ZNF248: variants seen among roughly 807,000 people sequenced by gnomAD.
ZNF248 encodes KRAB protein domain.
ZNF248 carries 20 observed loss-of-function variants against 44.3 expected under a neutral mutation model. The observed-to-expected ratio is 0.45, with a 90% CI of 0.32 to 0.66. The LOEUF is 0.66. ZNF248 is among the 30% of genes least tolerant of loss of function. The pLI is 0.04. For missense variants in ZNF248, 654 were observed against 677.0 expected (o/e 0.97, Z 0.38); for synonymous variants, 224 against 229.0 (o/e 0.98, Z 0.20).
intron 6 of ZNF248, chr10:37,818,851 A>AGG (rs2052995492): frequency 1.0e-6 from 1 of 960,432 alleles, no homozygotes; most frequent in African/African-American, 1.6e-5. Context: ...ATTCTCTTGT[A>AGG]GGATGTCTTG....
At chr10:37,820,279 CAG>C in intron 6 of ZNF248, 1 of 1,383,202 alleles carries the variant, frequency 7.2e-7, no homozygotes, top group Non-Finnish European at 1.0e-6. Flanking sequence ...TCTGTGTTGC[CAG>C]ATCTCATAGA....
intron 6 of ZNF248, among the ~76,000 whole-genome samples, chr10:37,790,744 A>C (rs953069738): frequency 4.0e-5 from 6 of 148,452 alleles, no homozygotes; most frequent in Non-Finnish European, 3.0e-5. Flanking sequence ...AATTTTTTAA[A>C]AAAATAAAAA....
downstream of ZNF248, among the ~76,000 whole-genome samples, chr10:37,772,198 G>A (rs2046275594): frequency 6.6e-6 from 1 of 151,892 alleles, no homozygotes; most frequent in Non-Finnish European, 1.5e-5. Context: ...CCGGGAGGTG[G>A]AGGTTGCAGT....
intron 3 of ZNF248, among the ~76,000 whole-genome samples, chr10:37,841,445 T>G (rs1286768382): frequency 7.3e-6 from 1 of 136,896 alleles, no homozygotes; most frequent in Non-Finnish European, 1.6e-5. Context: ...CAAAATTGTC[T>G]ACCAAAAAAA....
chr10:37,792,918 G>C (rs2048726434), intron 6 of ZNF248, among the ~76,000 whole-genome samples: 1 of 152,132 alleles, frequency 6.6e-6, no homozygotes, highest in Non-Finnish European at 1.5e-5. Flanking sequence ...TTCATTAATA[G>C]TGTTGTACCC....
At chr10:37,777,345 C>A (rs544170508) in intron 6 of ZNF248, among the ~76,000 whole-genome samples, 1 of 152,256 alleles carries the variant, frequency 6.6e-6, no homozygotes, top group African/African-American at 2.4e-5. Context: ...CTAAGCCACC[C>A]GCTTCCACCA....
At chr10:37,826,161 T>C (rs1340430781), downstream of ZNF248, among the ~76,000 whole-genome samples, 2 of 152,150 alleles carry the variant, frequency 1.3e-5, no homozygotes, top group Non-Finnish European at 2.9e-5. Flanking sequence ...ACCATATATA[T>C]TGTATTTCCA....
chr10:37,760,559 G>A, the ZNF248 span, among the ~76,000 whole-genome samples: 1 of 152,158 alleles, frequency 6.6e-6, no homozygotes, highest in East Asian at 1.9e-4. Context: ...TTATAGGCTG[G>A]GTGCAGTGGC....
downstream of ZNF248, among the ~76,000 whole-genome samples, chr10:37,824,940 G>A (rs1399093425): frequency 1.3e-5 from 2 of 148,516 alleles, no homozygotes; most frequent in Non-Finnish European, 3.0e-5. Context: ...TGCCTGCCTT[G>A]GCCTCCCAAA....
At chr10:37,856,847 G>A (rs149719091) in intron 1 of ZNF248, 70 of 384,846 alleles carry the variant, frequency 1.8e-4, no homozygotes, top group African/African-American at 7.0e-4. Flanking sequence ...AGTGGCTCGG[G>A]AAACTGCAGA....
At chr10:37,834,273 A>G (rs1225790865) in intron 5 of ZNF248, among the ~76,000 whole-genome samples, 1 of 152,168 alleles carries the variant, frequency 6.6e-6, no homozygotes, top group Non-Finnish European at 1.5e-5. Context: ...AACATAAAAT[A>G]AATCCCTTGC....
At chr10:37,766,982 A>C in the ZNF248 span, among the ~76,000 whole-genome samples, 1 of 152,232 alleles carries the variant, frequency 6.6e-6, no homozygotes, top group African/African-American at 2.4e-5. Flanking sequence ...AGAATGCAGA[A>C]GTCTCAGGAG....
At chr10:37,834,822 T>C (rs1452052280) in intron 5 of ZNF248, among the ~76,000 whole-genome samples, 3 of 152,200 alleles carry the variant, frequency 2.0e-5, no homozygotes, top group Non-Finnish European at 4.4e-5. Flanking sequence ...ACGGAAGTTT[T>C]CCAGTAAATG....
intron 3 of ZNF248, among the ~76,000 whole-genome samples, chr10:37,853,408 C>G (rs537229274): frequency 6.6e-6 from 1 of 152,156 alleles, no homozygotes; most frequent in African/African-American, 2.4e-5. Context: ...GACGGAGTCT[C>G]GCTCTGTCGC....
At chr10:37,820,523 G>A in intron 6 of ZNF248, 1 of 1,601,492 alleles carries the variant, frequency 6.2e-7, no homozygotes, top group Non-Finnish European at 8.5e-7. Context: ...TGAGGATCGT[G>A]CAACTGGTGC....
chr10:37,825,762 T>C (rs9417263), downstream of ZNF248, among the ~76,000 whole-genome samples: 19,547 of 152,064 alleles, frequency 0.13, 1,355 homozygotes, highest in Admixed American at 0.2. Context: ...AAACTTTGAA[T>C]GGGAATGAAA....
intron 1 of ZNF248, 100 bp from the exon 2 acceptor site, chr10:37,856,632 G>GTA: frequency 9.8e-7 from 1 of 1,023,400 alleles, no homozygotes. Flanking sequence ...TTCCTTGTAG[G>GTA]GAAAAAAAAA....
intron 6 of ZNF248, among the ~76,000 whole-genome samples, chr10:37,807,450 T>C (rs2050749328): frequency 6.6e-6 from 1 of 152,212 alleles, no homozygotes; most frequent in Non-Finnish European, 1.5e-5. Flanking sequence ...ATTTTTCTAC[T>C]ACTGCAAAAA....
rs191623013 is a variant in ZNF248, at chr10:37,820,132, A to C, written c.330+12893T>G. On this transcript the variant is annotated intron_variant, in intron 6 of 6. Coordinates refer to the ZNF248 transcript ENST00000615949. ...CTGTGTCAAATCACAGTTGGCTCTT[A>C]ATAAATCATCTATTCTTCCCTCCTT... 3.2e-3 allele frequency: 3,339 copies of C among 1,050,522 alleles called. 16 individuals are homozygous for C. The highest frequency in any genetic ancestry group is 3.1e-3 in the Non-Finnish European group (2,082 of 668,554). The allele number at this position is 1,050,522 out of a possible 1,614,324, so 65.1% of individuals were successfully genotyped here.
Sources: gnomAD v4.1 joint callset for allele counts (sites outside exome capture counted in the v4.1 genomes callset) on GRCh38, gnomAD v4.1.1 for gene constraint, MANE v1.5 for transcripts, NCBI Gene and HGNC (gene_info 2026-07-23, HGNC 2026-07-21) for gene names.